KIF16B: variants seen among roughly 807,000 people sequenced by gnomAD.
KIF16B encodes the protein kinesin family member 16B.
Under a neutral mutation model 156.3 loss-of-function variants are expected in KIF16B, and 98 were observed. The ratio of observed to expected loss-of-function variants is 0.63; its 90% CI spans 0.53 to 0.74. The LOEUF (loss-of-function observed/expected upper bound fraction) is 0.74. KIF16B is among the 30% of genes least tolerant of loss of function. The pLI is 0.00. For synonymous variants in KIF16B, 564 were observed against 583.7 expected, an observed-to-expected ratio of 0.97 and a Z score of 0.49; for missense variants, 1,421 against 1,606.5, an observed-to-expected ratio of 0.88 and a Z score of 1.97.
intron 1 of KIF16B, among the ~76,000 whole-genome samples, chr20:16,567,344 AC>A (rs1411010309): frequency 6.6e-6 from 1 of 152,098 alleles, no homozygotes; most frequent in Non-Finnish European, 1.5e-5. Context: ...CTCAAGTTCC[AC>A]CCTCTTATCT....
chr20:16,319,434 T>A (rs1339633785), intron 24 of KIF16B, among the ~76,000 whole-genome samples: 1 of 152,182 alleles, frequency 6.6e-6, no homozygotes, highest in Non-Finnish European at 1.5e-5. Context: ...GAAAAGTTAC[T>A]CCTGTCCTCA....
chr20:16,354,260 C>T (rs1221296376), intron 23 of KIF16B, among the ~76,000 whole-genome samples: 1 of 152,162 alleles, frequency 6.6e-6, no homozygotes, highest in African/African-American at 2.4e-5. Flanking sequence ...ATTTTATTAA[C>T]ACATTTATCT....
chr20:16,373,754 A>T (rs1399290467), intron 20 of KIF16B, among the ~76,000 whole-genome samples: 3 of 152,030 alleles, frequency 2.0e-5, no homozygotes, highest in African/African-American at 7.2e-5. Flanking sequence ...CCGCCCTCTC[A>T]CTCAAACCAC....
At chr20:16,419,270 T>C (rs373438293) in intron 15 of KIF16B, among the ~76,000 whole-genome samples, 1 of 152,150 alleles carries the variant, frequency 6.6e-6, no homozygotes, top group Non-Finnish European at 1.5e-5. Flanking sequence ...GGAAGACATA[T>C]GATGAATGCT....
chr20:16,506,272 G>T, intron 7 of KIF16B, 82 bp from the exon 8 acceptor site: 4 of 1,168,182 alleles, frequency 3.4e-6, no homozygotes, highest in South Asian at 1.3e-5. Flanking sequence ...ACTATTTTCT[G>T]CTCCTCACTG....
intron 22 of KIF16B, among the ~76,000 whole-genome samples, chr20:16,369,629 T>A (rs2064768276): frequency 6.6e-6 from 1 of 152,212 alleles, no homozygotes; most frequent in African/African-American, 2.4e-5. Context: ...AATAAGTCCA[T>A]GATCATATGT....
At chr20:16,314,686 T>C (rs952364687) in intron 24 of KIF16B, among the ~76,000 whole-genome samples, 1 of 152,222 alleles carries the variant, frequency 6.6e-6, no homozygotes, top group Non-Finnish European at 1.5e-5. Context: ...CGTGAAGATT[T>C]AGTGACTGGA....
intron 23 of KIF16B, among the ~76,000 whole-genome samples, chr20:16,337,796 C>A (rs569960099): frequency 1.6e-3 from 247 of 152,314 alleles, no homozygotes; most frequent in African/African-American, 5.8e-3. Context: ...ACAGTCTTGG[C>A]TGGACACAAA....
intron 12 of KIF16B, among the ~76,000 whole-genome samples, chr20:16,444,974 C>T (rs539355142): frequency 2.0e-5 from 3 of 152,130 alleles, no homozygotes; most frequent in African/African-American, 2.4e-5. Flanking sequence ...CTGTTTCCAG[C>T]GTCTCAGCAT....
intron 10 of KIF16B, among the ~76,000 whole-genome samples, chr20:16,497,894 A>G (rs1009874317): frequency 1.3e-5 from 2 of 152,202 alleles, no homozygotes; most frequent in East Asian, 3.9e-4. Flanking sequence ...CAGTAAACCT[A>G]CATTTGCAAT....
At chr20:16,554,911 T>C (rs4814508) in intron 1 of KIF16B, among the ~76,000 whole-genome samples, 83,144 of 152,186 alleles carry the variant, frequency 0.55, 23,041 homozygotes, top group African/African-American at 0.65. Flanking sequence ...CCCACTGCAG[T>C]CAGCACGCCT....
chr20:16,379,637 C>T lies in KIF16B; in HGVS notation c.2365G>A (p.Glu789Lys). ...ATGCCTTCCAGGTCCCTCTTCTCCTCTTCCACCCACTGTACCTCCCCACGC... is the reference window on the plus strand; with the variant it reads ...ATGCCTTCCAGGTCCCTCTTCTCCTTTTCCACCCACTGTACCTCCCCACGC... Reference protein sequence around the residue: ...LRRGEVQWVEEEKRDLEGIRE... With the variant: ...LRRGEVQWVEKEKRDLEGIRE... The change falls in exon 19 of 26, where the codon GAG becomes AAG. Residue 789 changes from glutamate to lysine, a missense_variant. By Grantham distance (56) the Glu-to-Lys change is moderately conservative (BLOSUM62 1). Transcript: ENST00000354981. 1.2e-6 allele frequency: 2 copies of T among 1,614,146 alleles called. No individual in the cohort carries two copies. The highest frequency in any genetic ancestry group is 1.7e-6 in the Non-Finnish European group (2 of 1,180,026).
chr20:16,484,035 C>T (rs904261012), intron 12 of KIF16B, among the ~76,000 whole-genome samples: 1 of 152,040 alleles, frequency 6.6e-6, no homozygotes, highest in African/African-American at 2.4e-5. Context: ...CCTCTCTGAC[C>T]GTAGCAATAA....
At chr20:16,547,463 A>G (rs2070457329) in intron 1 of KIF16B, among the ~76,000 whole-genome samples, 1 of 152,236 alleles carries the variant, frequency 6.6e-6, no homozygotes, top group African/African-American at 2.4e-5. Flanking sequence ...CCAAAAAAGA[A>G]GCGCAATCAC....
intron 1 of KIF16B, among the ~76,000 whole-genome samples, chr20:16,568,860 C>A: frequency 7.7e-6 from 1 of 130,592 alleles, no homozygotes; most frequent in Non-Finnish European, 1.6e-5. Flanking sequence ...AAAGGCATAG[C>A]TGTGACTGTC....
At position 16,539,019 on chromosome 20, in the gene KIF16B, T is replaced by C. The variant is rs183589537; in HGVS notation, c.48-10579A>G. On this transcript the variant is annotated intron_variant, in intron 1 of 25. Transcript: ENST00000354981. The stretch of plus-strand genomic sequence containing the variant: ...AGGCCTCCTGAGAAGCAGATGCCAC[T>C]ATGCTTCCTGTATAGCCATCAGTGC... Among the ~76,000 whole-genome samples the C allele has an allele frequency of 5.0e-3, 761 of 152,248 alleles. 11 individuals are homozygous for C. The highest frequency in any genetic ancestry group is 0.01 in the Middle Eastern group (3 of 294).
At chr20:16,406,282 A>G in intron 16 of KIF16B, 92 bp downstream of exon 16, 1 of 1,090,454 alleles carries the variant, frequency 9.2e-7, no homozygotes, top group Non-Finnish European at 1.4e-6. Flanking sequence ...TCTGCACCCC[A>G]GAAAGTCAAA....
chr20:16,311,400 A>G (rs999555480), intron 25 of KIF16B, among the ~76,000 whole-genome samples: 1 of 152,210 alleles, frequency 6.6e-6, no homozygotes, highest in African/African-American at 2.4e-5. Flanking sequence ...AGGCAGCAGA[A>G]TCGCTTGAAT....
chr20:16,504,392 G>T lies in KIF16B; in HGVS notation c.1156C>A (p.Leu386Met), dbSNP rs200112191. 6.2e-7 allele frequency: 1 copy of T among 1,614,074 alleles called. No homozygotes were observed. Among genetic ancestry groups the T allele is most frequent in the East Asian group, 2.2e-5 (1 of 44,878 alleles). Reference protein sequence around the residue: ...LRAEIARLKTLLAQGNQIALL... With the variant: ...LRAEIARLKTMLAQGNQIALL... ...CCAACCTGATTCCCTTGAGCAAGCA[G>T]CGTTTTCAGTCTGGCTATTTCAGCT... Residue 386 changes from leucine (L) to methionine (M), a missense_variant, in exon 10 of 26, where the codon CTG becomes ATG. Coordinates refer to ENST00000354981, the MANE Select transcript of KIF16B (RefSeq NM_024704.5).
Sources: allele counts gnomAD v4.1 joint callset (sites outside exome capture counted in the v4.1 genomes callset), GRCh38; gene constraint gnomAD v4.1.1; transcripts MANE v1.5; gene names NCBI Gene and HGNC (gene_info 2026-07-23, HGNC 2026-07-21).